The following CAPN7 variants were observed in gnomAD, a reference collection of about 807,000 sequenced individuals.
CAPN7 encodes calpain-7.
A neutral mutation model predicts 115.2 loss-of-function variants in CAPN7; 72 were observed. That is an observed-to-expected ratio of 0.63 (90% CI 0.52 to 0.76). The LOEUF (loss-of-function observed/expected upper bound fraction) is 0.76. CAPN7 is among the 30% of genes least tolerant of loss of function. The probability of loss-of-function intolerance (pLI) is 0.00; values close to 1 mark genes in which losing one functional copy is unlikely to be tolerated. For synonymous variants in CAPN7, 344 were observed against 322.3 expected (o/e 1.07, Z -0.72); for missense variants, 905 against 971.5 (o/e 0.93, Z 0.91).
At chr3:15,235,207 G>T in intron 12 of CAPN7, 62 bp downstream of exon 12, 1 of 1,451,396 alleles carries the variant, frequency 6.9e-7, no homozygotes, top group Admixed American at 2.2e-5. Context: ...AGGGATCCCA[G>T]ATAATTTATC....
rs1693710350 is a variant in CAPN7 at position 15,217,570 on chromosome 3, C to CT, written c.358dup (p.Cys120LeufsTer7). ...AATTGTACACAGAAGCTGTGGATCT[C>CT]TGTCTGAAAACAGTGTGTATAGCTA... On this transcript the variant is annotated frameshift_variant, in exon 3 of 21. Transcript: ENST00000253693. LOFTEE classifies it high-confidence loss of function. 1 of 1,612,034 alleles carries CT rather than the reference C, an allele frequency of 6.2e-7. No individual in the cohort carries two copies. The highest frequency in any genetic ancestry group is 1.3e-5 in the African/African-American group (1 of 74,820).
intron 3 of CAPN7, among the ~76,000 whole-genome samples, chr3:15,218,069 A>G (rs1234937204): frequency 6.6e-6 from 1 of 152,210 alleles, no homozygotes; most frequent in African/African-American, 2.4e-5. Context: ...CAGGAGGATG[A>G]GGTAAAGTAG....
In CAPN7 at chr3:15,247,235, C is replaced by CTTTTT. The variant is rs59046014; in HGVS notation, c.2074-82_2074-78dup. ...TTGGAGACACAGAGTGGAAAATTGC[C>CTTTTT]TTTTTTTTTTTTTTGAGATGGAAAG... On this transcript the variant is annotated intron_variant, in intron 18 of 20. Transcript: ENST00000253693. The CTTTTT allele has an allele frequency of 1.8e-4, 136 of 748,816 alleles. 1 individual carries two copies. In the African/African-American group the frequency reaches 1.9e-3, roughly 10 times the overall value. The allele number at this position is 748,816 out of a possible 1,614,324, so 46.4% of individuals were successfully genotyped here. A position where few individuals can be genotyped will look rare whatever the true frequency, so the allele number is the denominator to read the frequency against.
rs1054136691 is a variant in CAPN7 at position 15,206,371 on chromosome 3, A to G, written c.-125A>G. On this transcript the variant is annotated 5_prime_UTR_variant, in exon 1 of 21. Transcript: ENST00000253693. ...AAGGCGAGCTCTCCTCCACCGTCCA[A>G]AGTAAACTTTGCCGCTCCTTCCGCG... is the stretch of plus-strand genomic sequence containing the variant. 12 of 680,952 alleles carry G rather than the reference A, an allele frequency of 1.8e-5. No homozygotes were observed. Among genetic ancestry groups the G allele is most frequent in the Admixed American group, 1.6e-4 (6 of 38,290 alleles). The allele number at this position is 680,952 out of a possible 1,614,324, so 42.2% of individuals were successfully genotyped here.
intron 14 of CAPN7, 52 bp downstream of exon 14, chr3:15,240,905 C>A: frequency 5.2e-6 from 6 of 1,143,134 alleles, no homozygotes; most frequent in Non-Finnish European, 7.8e-6. Flanking sequence ...CCACTTTCCT[C>A]ACTTAAAAAC....
intron 5 of CAPN7, among the ~76,000 whole-genome samples, chr3:15,222,175 G>A (rs1274063646): frequency 6.6e-6 from 1 of 152,076 alleles, no homozygotes; most frequent in Non-Finnish European, 1.5e-5. Flanking sequence ...TGTCTAGCGG[G>A]GGTTATAGCG....
chr3:15,227,962 G>A lies in CAPN7; in HGVS notation c.849G>A (p.Lys283=). ...MIYTVSSFSI[K]QTIVSDCSFV... is the part of the protein sequence containing the mutation. Reference sequence around the variant, plus strand: ...ATACTGTGTCCAGTTTTAGCATAAAGCAGGTGAGCATTTATTTTGTATGAT... The same window carrying A: ...ATACTGTGTCCAGTTTTAGCATAAAACAGGTGAGCATTTATTTTGTATGAT... Residue 283 remains lysine, a synonymous_variant, in exon 7 of 21, where the codon AAG becomes AAA. Coordinates refer to ENST00000253693, the MANE Select transcript of CAPN7 (RefSeq NM_014296.3). The A allele has an allele frequency of 2.1e-6, 3 of 1,437,454 alleles. No individual in the cohort carries two copies. The highest frequency in any genetic ancestry group is 1.8e-4 in the Middle Eastern group (1 of 5,416). The allele number at this position is 1,437,454 out of a possible 1,614,324, so 89.0% of individuals were successfully genotyped here.
At chr3:15,232,378 A>C (rs538501879) in intron 9 of CAPN7, 141 bp from the exon 10 acceptor site, 1 of 609,012 alleles carries the variant, frequency 1.6e-6, no homozygotes, top group East Asian at 3.1e-5. Context: ...AATTGGTATG[A>C]TTCTAGAAAC....
chr3:15,240,547 A>G lies in CAPN7; in HGVS notation c.1482A>G (p.Val494=), dbSNP rs143794211. The G allele has an allele frequency of 2.3e-3, 3,706 of 1,613,370 alleles. 7 individuals are homozygous for G. The highest frequency in any genetic ancestry group is 2.8e-3 in the Non-Finnish European group (3,293 of 1,179,730). Residue 494 remains valine (V), a synonymous_variant, in exon 13 of 21, where the codon GTA becomes GTG. Coordinates refer to ENST00000253693, the MANE Select transcript of CAPN7 (RefSeq NM_014296.3). ...RWKGRYSEND[V]KNWTPELQKY... is the part of the protein sequence containing the mutation. ...AAGGAAGATACAGTGAAAATGATGT[A>G]AAAAACTGGACTCCAGAGTTGCAAA... is the stretch of plus-strand genomic sequence containing the variant.
intron 16 of CAPN7, among the ~76,000 whole-genome samples, chr3:15,244,253 C>A (rs182814866): frequency 1.9e-4 from 29 of 152,124 alleles, no homozygotes; most frequent in Non-Finnish European, 3.5e-4. Context: ...AATATCCCTG[C>A]GTTCTGGAAT....
In CAPN7 at chr3:15,230,522, G is replaced by A; in HGVS notation, c.1019G>A (p.Gly340Asp). The A allele has an allele frequency of 6.2e-7, 1 of 1,605,690 alleles. No homozygotes were observed. The highest frequency in any genetic ancestry group is 8.5e-7 in the Non-Finnish European group (1 of 1,172,770). Residue 340 changes from glycine (G) to aspartate (D), a missense_variant, in exon 9 of 21, where the codon GGT becomes GAT. Gly to Asp is a moderately conservative substitution (Grantham distance 94). This residue lies in a region of CAPN7 where 620 missense variants were observed against 703.4 expected (regional missense o/e 0.88). Transcript: ENST00000253693. Reference protein sequence around the residue: ...GKYMVKLHLNGVPRKVIIDDQ... With the variant: ...GKYMVKLHLNDVPRKVIIDDQ... ...TATATGGTAAAACTTCACCTCAATG[G>A]TGTCCCAAGAAAGGTGAATAATGTC...
rs1403679706 is a variant in CAPN7, at chr3:15,251,357, T to C, written c.*97T>C. The C allele has an allele frequency of 1.9e-6, 2 of 1,053,244 alleles. No homozygotes were observed. Among genetic ancestry groups the C allele is most frequent in the African/African-American group, 1.6e-5 (1 of 62,434 alleles). 65.2% of individuals were successfully genotyped at this position (1,053,244 alleles called of 1,614,324 possible). A position where few individuals can be genotyped will look rare whatever the true frequency, so the allele number is the denominator to read the frequency against. On this transcript the variant is annotated 3_prime_UTR_variant, in exon 21 of 21. Transcript: ENST00000253693. Reference sequence around the variant, plus strand: ...AGGACAGTAAGCAGAACAATCAGAATGGAATTAAATCTCTAAAAACGTGTT... The same window carrying C: ...AGGACAGTAAGCAGAACAATCAGAACGGAATTAAATCTCTAAAAACGTGTT...
At position 15,219,912 on chromosome 3, in the gene CAPN7, A is replaced by G. The variant is rs1693864265; in HGVS notation, c.438-869A>G. The stretch of plus-strand genomic sequence containing the variant: ...CAGGGGCAACATTCATTCTTTTGCA[A>G]TTACCTGGCCGGGCACGGTGGCTCA... On this transcript the variant is annotated intron_variant, in intron 4 of 20. Coordinates refer to ENST00000253693, the MANE Select transcript of CAPN7 (RefSeq NM_014296.3). Among the ~76,000 whole-genome samples the G allele has an allele frequency of 2.6e-5, 4 of 152,112 alleles. No homozygotes were observed. In the South Asian group the frequency reaches 6.2e-4, roughly 24 times the overall value.
At chr3:15,207,327 C>G (rs760041788) in intron 1 of CAPN7, among the ~76,000 whole-genome samples, 3 of 152,094 alleles carry the variant, frequency 2.0e-5, no homozygotes, top group Non-Finnish European at 4.4e-5. Context: ...CAGTGTGGGG[C>G]ACTTACCCAC....
chr3:15,217,308 G>A (rs376395674), intron 2 of CAPN7, 117 bp from the exon 3 acceptor site: 1 of 907,270 alleles, frequency 1.1e-6, no homozygotes, highest in Admixed American at 3.6e-5. Flanking sequence ...ACCTTGCTAA[G>A]TTTTTTAAAT....
At chr3:15,240,657 A>C in intron 13 of CAPN7, 40 bp downstream of exon 13, 1 of 1,519,714 alleles carries the variant, frequency 6.6e-7, no homozygotes, top group Non-Finnish European at 8.9e-7. Context: ...TTTATTCTTC[A>C]AAAAAAAACA....
At chr3:15,223,634 C>A in intron 6 of CAPN7, 73 bp downstream of exon 6, 1 of 874,342 alleles carries the variant, frequency 1.1e-6, no homozygotes, top group Non-Finnish European at 1.8e-6. Flanking sequence ...AATTTAATAG[C>A]CTTGAAATTA....
At chr3:15,236,321 T>C (rs1316474711) in intron 12 of CAPN7, among the ~76,000 whole-genome samples, 1 of 152,220 alleles carries the variant, frequency 6.6e-6, no homozygotes, top group Admixed American at 6.5e-5. Flanking sequence ...CAATATCTGG[T>C]TAGAATATTT....
At position 15,235,024 on chromosome 3, in the gene CAPN7, G is replaced by C. The variant is rs769261737; in HGVS notation, c.1287-1G>C. ...TTAATTGTCTTTGGGGTTCATTCCA[G>C]ATTTCACAAAGGAGATGTCCTCATC... On this transcript the variant is annotated splice_acceptor_variant, in intron 11 of 20. Coordinates refer to ENST00000253693, the MANE Select transcript of CAPN7 (RefSeq NM_014296.3). LOFTEE classifies it high-confidence loss of function. 1 of 1,601,572 alleles carries C rather than the reference G, an allele frequency of 6.2e-7. No individual in the cohort carries two copies. The highest frequency in any genetic ancestry group is 2.2e-5 in the East Asian group (1 of 44,802).
Sources: gnomAD v4.1 joint callset for allele counts (sites outside exome capture counted in the v4.1 genomes callset) on GRCh38, gnomAD v4.1.1 for gene constraint, gnomAD v4.1.1 regional missense constraint, MANE v1.5 for transcripts, NCBI Gene and HGNC (gene_info 2026-07-23, HGNC 2026-07-21) for gene names.